Variants in NRXN3 observed in about 807,000 individuals in gnomAD.
NRXN3 encodes neurexin III.
In NRXN3, 32 loss-of-function variants were observed where a neutral mutation model predicts 137.6. That is an observed-to-expected ratio of 0.23 (90% CI 0.18 to 0.31). NRXN3 has a LOEUF of 0.31. Ranked by LOEUF, NRXN3 falls within the 10% of genes least tolerant of loss-of-function variation. The pLI is 1.00. For synonymous variants in NRXN3, 798 were observed against 784.5 expected (o/e 1.02, Z -0.29); for missense variants, 1,574 against 2,062.5 (o/e 0.76, Z 4.59).
intron 4 of NRXN3, among the ~76,000 whole-genome samples, chr14:78,390,448 A>C (rs1444983988): frequency 6.6e-6 from 1 of 152,194 alleles, no homozygotes; most frequent in African/African-American, 2.4e-5. Flanking sequence ...AACCGGTGTT[A>C]CAAGGTTTAG....
At chr14:79,475,562 G>C (rs1231653047) in intron 16 of NRXN3, among the ~76,000 whole-genome samples, 1 of 152,076 alleles carries the variant, frequency 6.6e-6, no homozygotes, top group African/African-American at 2.4e-5. Context: ...AAACAGGCTT[G>C]AGAGGCCACG....
chr14:78,910,529 C>G (rs533086050), intron 10 of NRXN3, among the ~76,000 whole-genome samples: 3 of 152,070 alleles, frequency 2.0e-5, no homozygotes, highest in African/African-American at 4.8e-5. Flanking sequence ...GAGCATTTTC[C>G]CCCAAGATAG....
intron 1 of NRXN3, among the ~76,000 whole-genome samples, chr14:78,233,821 C>T (rs1231949607): frequency 6.6e-6 from 1 of 152,128 alleles, no homozygotes; most frequent in African/African-American, 2.4e-5. Context: ...GTATGACTCT[C>T]CACATTGTCT....
At chr14:79,007,812 A>G (rs1209865780) in intron 15 of NRXN3, among the ~76,000 whole-genome samples, 1 of 151,076 alleles carries the variant, frequency 6.6e-6, no homozygotes, top group African/African-American at 2.4e-5. Flanking sequence ...TCTCAAAAAA[A>G]AAAAAAAAAA....
chr14:78,195,091 G>A (rs539686636), intron 1 of NRXN3, among the ~76,000 whole-genome samples: 144 of 149,060 alleles, frequency 9.7e-4, no homozygotes, highest in African/African-American at 3.4e-3. Context: ...TCCCTGTCTG[G>A]TAACCTTGGC....
intron 10 of NRXN3, among the ~76,000 whole-genome samples, chr14:78,865,272 ATATTG>A (rs1208865021): frequency 6.6e-6 from 1 of 152,222 alleles, no homozygotes; most frequent in East Asian, 1.9e-4. Flanking sequence ...ACTTTGAAAT[ATATTG>A]TATTAACATT....
At chr14:78,602,958 G>A (rs1275464099) in intron 4 of NRXN3, among the ~76,000 whole-genome samples, 2 of 152,142 alleles carry the variant, frequency 1.3e-5, no homozygotes, top group Admixed American at 6.5e-5. Context: ...GAGCCTGCAG[G>A]CCTGTTCTGT....
At chr14:78,176,626 G>C (rs576770111) in intron 1 of NRXN3, among the ~76,000 whole-genome samples, 63 of 152,274 alleles carry the variant, frequency 4.1e-4, no homozygotes, top group African/African-American at 1.5e-3. Context: ...CAAATGACAA[G>C]ATGGAGGCCC....
At chr14:78,787,069 A>G (rs1015051536) in intron 8 of NRXN3, among the ~76,000 whole-genome samples, 1 of 152,170 alleles carries the variant, frequency 6.6e-6, no homozygotes, top group Non-Finnish European at 1.5e-5. Flanking sequence ...CAGACTTCTT[A>G]AATTTTCTTT....
At chr14:79,050,165 G>A (rs976311596) in intron 15 of NRXN3, among the ~76,000 whole-genome samples, 7 of 152,072 alleles carry the variant, frequency 4.6e-5, no homozygotes, top group Non-Finnish European at 5.9e-5. Context: ...CTGCACTTTC[G>A]CCTTTCTGTT....
chr14:79,533,928 A>G (rs938234054), intron 16 of NRXN3, among the ~76,000 whole-genome samples: 1 of 152,210 alleles, frequency 6.6e-6, no homozygotes, highest in African/African-American at 2.4e-5. Flanking sequence ...ATAGTAATTG[A>G]TAACAACTTG....
chr14:79,494,089 T>G (rs1487797364), intron 16 of NRXN3, among the ~76,000 whole-genome samples: 2 of 152,224 alleles, frequency 1.3e-5, no homozygotes, highest in Non-Finnish European at 2.9e-5. Context: ...AAGTATGCAT[T>G]AAATGTATAG....
intron 20 of NRXN3, among the ~76,000 whole-genome samples, chr14:79,855,259 G>A (rs1214160808): frequency 2.6e-5 from 4 of 152,294 alleles, no homozygotes; most frequent in African/African-American, 9.6e-5. Context: ...ACATACATAA[G>A]ATTGGTAAGA....
At chr14:79,671,101 C>T (rs2153998805) in intron 17 of NRXN3, among the ~76,000 whole-genome samples, 1 of 152,256 alleles carries the variant, frequency 6.6e-6, no homozygotes, top group African/African-American at 2.4e-5. Context: ...ACATACTCCC[C>T]ACTTCATGGG....
intron 19 of NRXN3, among the ~76,000 whole-genome samples, chr14:79,773,903 A>G (rs1201834548): frequency 1.3e-5 from 2 of 151,850 alleles, no homozygotes; most frequent in Admixed American, 1.3e-4. Flanking sequence ...GCTCACCGGT[A>G]GGTTATAGAC....
chr14:79,641,064 G>C (rs1214892016), intron 16 of NRXN3, among the ~76,000 whole-genome samples: 3 of 134,058 alleles, frequency 2.2e-5, no homozygotes, highest in African/African-American at 7.4e-5. Flanking sequence ...CTGGAGTGCA[G>C]TGGTACAATC....
intron 4 of NRXN3, among the ~76,000 whole-genome samples, chr14:78,307,223 TA>T (rs1453294485): frequency 2.0e-5 from 3 of 151,914 alleles, no homozygotes; most frequent in African/African-American, 7.3e-5. Flanking sequence ...TTAACCTGTA[TA>T]TACCCACATA....
At chr14:78,949,364 A>G (rs888556323) in intron 10 of NRXN3, among the ~76,000 whole-genome samples, 5 of 152,088 alleles carry the variant, frequency 3.3e-5, no homozygotes, top group Admixed American at 1.3e-4. Context: ...AATCGGTTCA[A>G]TCTGTCCTAT....
At chr14:78,961,649 G>A (rs1048044397) in intron 11 of NRXN3, among the ~76,000 whole-genome samples, 5 of 152,134 alleles carry the variant, frequency 3.3e-5, no homozygotes, top group Non-Finnish European at 5.9e-5. Context: ...CTTCATATCC[G>A]TTTTACAGAT....
Sources: gnomAD v4.1 joint callset for allele counts (sites outside exome capture counted in the v4.1 genomes callset) on GRCh38, gnomAD v4.1.1 for gene constraint, MANE v1.5 for transcripts, NCBI Gene and HGNC (gene_info 2026-07-23, HGNC 2026-07-21) for gene names.